Variants in SLIT1 observed in about 807,000 individuals in gnomAD.
The protein encoded by SLIT1 is slit homolog 1 protein.
Under a neutral mutation model 186.1 loss-of-function variants are expected in SLIT1, and 66 were observed. That is an observed-to-expected ratio of 0.35 (90% CI 0.29 to 0.44). SLIT1 has a LOEUF of 0.44. SLIT1 is among the 20% of genes least tolerant of loss of function. The pLI is 1.00. For synonymous variants in SLIT1, 761 were observed against 833.8 expected (o/e 0.91, Z 1.50); for missense variants, 1,638 against 2,037.4 (o/e 0.80, Z 3.77).
At chr10:97,182,367 AT>A (rs1441487609) in intron 1 of SLIT1, among the ~76,000 whole-genome samples, 29 of 152,326 alleles carry the variant, frequency 1.9e-4, no homozygotes, top group African/African-American at 7.0e-4. Flanking sequence ...GTCCATAAAA[AT>A]TTCACAGCCT....
At position 97,020,191 on chromosome 10, in the gene SLIT1, T is replaced by C. The variant is rs796569188; in HGVS notation, c.2746+1059A>G. Among the ~76,000 whole-genome samples, 5 of 152,040 alleles carry C rather than the reference T, an allele frequency of 3.3e-5. 1 individual carries two copies. The highest frequency in any genetic ancestry group is 1.2e-4 in the African/African-American group (5 of 41,468). On this transcript the variant is annotated intron_variant, in intron 26 of 36. Coordinates refer to ENST00000266058, the MANE Select transcript of SLIT1 (RefSeq NM_003061.3). Reference sequence around the variant, plus strand: ...TCTCTCCATGTTGCCCAGGCTGGTCTCGAACTCCTGGGCTCAAGCGACCCT... The same window carrying C: ...TCTCTCCATGTTGCCCAGGCTGGTCCCGAACTCCTGGGCTCAAGCGACCCT...
At chr10:97,029,790 GC>G (rs1034463470) in intron 25 of SLIT1, among the ~76,000 whole-genome samples, 3 of 152,096 alleles carry the variant, frequency 2.0e-5, no homozygotes, top group African/African-American at 7.2e-5. Flanking sequence ...ACTCCCCATG[GC>G]CCCTGCCTCC....
rs1268863455 is a variant in SLIT1 at position 97,002,894 on chromosome 10, C to T, written c.3964G>A (p.Glu1322Lys). ...TGCGTCTTGGTGAAGTCCTGCAGCT[C>T]GTTGTTGATGTACAGGTTTCGGATG... ...GCIRNLYINN[E>K]LQDFTKTQMK... Residue 1322 changes from glutamate to lysine, a missense_variant, in exon 35 of 37, where the codon GAG (glutamate) becomes AAG (lysine). Physicochemically the swap from Glu to Lys is moderately conservative, Grantham distance 56 (BLOSUM62 1). Coordinates refer to ENST00000266058, the MANE Select transcript of SLIT1 (RefSeq NM_003061.3). 14 of 1,614,202 alleles carry T rather than the reference C, an allele frequency of 8.7e-6. No individual in the cohort carries two copies. The highest frequency in any genetic ancestry group is 3.3e-5 in the Admixed American group (2 of 60,022).
intron 4 of SLIT1, among the ~76,000 whole-genome samples, chr10:97,127,976 A>G (rs1849619050): frequency 1.3e-5 from 2 of 152,088 alleles, no homozygotes; most frequent in Non-Finnish European, 2.9e-5. Flanking sequence ...ATTGACAAGC[A>G]GCCACTCAGA....
intron 4 of SLIT1, among the ~76,000 whole-genome samples, chr10:97,093,146 G>C (rs1849250858): frequency 6.6e-6 from 1 of 152,192 alleles, no homozygotes; most frequent in African/African-American, 2.4e-5. Context: ...TGTGAGAAGA[G>C]GGCAGTGCGG....
At chr10:97,125,484 A>G (rs1192215882) in intron 4 of SLIT1, among the ~76,000 whole-genome samples, 1 of 151,216 alleles carries the variant, frequency 6.6e-6, no homozygotes, top group African/African-American at 2.4e-5. Flanking sequence ...CAGTGAGCCA[A>G]GATCACACCA....
chr10:97,106,572 C>T (rs554999931), intron 4 of SLIT1, among the ~76,000 whole-genome samples: 1 of 152,038 alleles, frequency 6.6e-6, no homozygotes, highest in South Asian at 2.1e-4. Flanking sequence ...TTAGTCCCTG[C>T]AATAACCCTG....
In SLIT1 at chr10:97,060,669, C is replaced by G. The variant is rs1227392043; in HGVS notation, c.912G>C (p.Pro304=). Residue 304 remains proline, a synonymous_variant, in exon 9 of 37, where the codon CCG becomes CCC. Coordinates refer to ENST00000266058, the MANE Select transcript of SLIT1 (RefSeq NM_003061.3). ...DCRGKGLTAI[P]ANLPETMTEI... ...CCGTCATGGTCTCGGGCAGGTTGGC[C>G]GGGATGGCAGTGAGGCCTTTTCCAC... is the stretch of plus-strand genomic sequence containing the variant. The G allele has an allele frequency of 6.2e-7, 1 of 1,613,360 alleles. No homozygotes were observed. Among genetic ancestry groups the G allele is most frequent in the Non-Finnish European group, 8.5e-7 (1 of 1,180,034 alleles).
chr10:97,148,289 CTTT>C (rs34334845), intron 4 of SLIT1, among the ~76,000 whole-genome samples: 1 of 144,904 alleles, frequency 6.9e-6, no homozygotes. Context: ...TAGTACTAAG[CTTT>C]TTTTTTTTTT....
At chr10:97,126,802 T>TCAGTCC (rs1849607219) in intron 4 of SLIT1, among the ~76,000 whole-genome samples, 1 of 152,120 alleles carries the variant, frequency 6.6e-6, no homozygotes. Context: ...AGGAAGCCCC[T>TCAGTCC]CAGTCCCATG....
At chr10:97,098,955 C>A (rs898861290) in intron 4 of SLIT1, among the ~76,000 whole-genome samples, 1 of 152,144 alleles carries the variant, frequency 6.6e-6, no homozygotes, top group Non-Finnish European at 1.5e-5. Flanking sequence ...CCTCCTGTCC[C>A]CAGTTTCCTG....
chr10:97,061,435 A>G (rs1848893158), intron 8 of SLIT1, among the ~76,000 whole-genome samples: 1 of 152,226 alleles, frequency 6.6e-6, no homozygotes, highest in South Asian at 2.1e-4. Flanking sequence ...GACATAGAAC[A>G]TTTCCATTAC....
rs1189158347 is a variant in SLIT1, at chr10:97,021,564, TTTTTTTTTC to T, written c.2583-160_2583-152del. 3.4e-6 allele frequency: 2 copies of T among 593,608 alleles called. No homozygotes were observed. Among genetic ancestry groups the T allele is most frequent in the Admixed American group, 7.4e-5 (2 of 27,134 alleles). The allele number at this position is 593,608 out of a possible 1,614,324, so 36.8% of individuals were successfully genotyped here. On this transcript the variant is annotated intron_variant, in intron 25 of 36. Coordinates refer to ENST00000266058, the MANE Select transcript of SLIT1 (RefSeq NM_003061.3). The surrounding 1 kb of genome is among the most constrained non-coding windows in gnomAD (Gnocchi z 4.5). The stretch of plus-strand genomic sequence containing the variant: ...TACTGTATAGTCAGTGCTGCTTTTT[TTTTTTTTTC>T]TTTTTTTGAGATGGAGTGTCGCTCT...
Position 97,047,710 on chromosome 10 carries a change from G to A in SLIT1, c.1614C>T (p.Ile538=). 8 of 1,613,934 alleles carry A rather than the reference G, an allele frequency of 5.0e-6. No individual in the cohort carries two copies. The highest frequency in any genetic ancestry group is 6.8e-6 in the Non-Finnish European group (8 of 1,180,016). Residue 538 remains isoleucine (I), a synonymous_variant, in exon 16 of 37, where the codon ATC becomes ATT. Transcript: ENST00000266058. ...CTCACAGTTCTGCCGTGGACTGGGG[G>A]ATGCGCTCAGGGATCTTGGTGAGCT... ...SLKLTKIPER[I]PQSTAELRLN...
chr10:97,082,451 T>A (rs936093582), intron 4 of SLIT1, among the ~76,000 whole-genome samples: 6 of 152,320 alleles, frequency 3.9e-5, no homozygotes, highest in Middle Eastern at 3.4e-3. Context: ...TTATTTATTT[T>A]TTGAGAGGAG....
intron 23 of SLIT1, among the ~76,000 whole-genome samples, chr10:97,032,736 G>T (rs1848602833): frequency 7.7e-6 from 1 of 129,590 alleles, no homozygotes; most frequent in Non-Finnish European, 1.8e-5. Flanking sequence ...CGTCATGCTG[G>T]AAACAGCCCC....
chr10:97,052,093 T>G (rs1848793049), intron 13 of SLIT1, among the ~76,000 whole-genome samples: 1 of 115,960 alleles, frequency 8.6e-6, no homozygotes, highest in Non-Finnish European at 1.8e-5. Flanking sequence ...TGATTCGGTT[T>G]TTTTTTGTTT....
In SLIT1 at chr10:96,998,688, A is replaced by ACAT. The variant is rs1178479019; in HGVS notation, c.*2421_*2423dup. 1.3e-5 allele frequency: 2 copies of ACAT among 152,300 alleles called. No individual in the cohort carries two copies. Among genetic ancestry groups the ACAT allele is most frequent in the East Asian group, 1.9e-4 (1 of 5,206 alleles). The allele number at this position is 152,300 out of a possible 1,614,324, so 9.4% of individuals were successfully genotyped here. ...GTTGATCCTGGGGCACACAGCTCTC[A>ACAT]CATCATCTCATGGTGGATTCCAATC... On this transcript the variant is annotated 3_prime_UTR_variant, in exon 37 of 37. Transcript: ENST00000266058.
At chr10:97,141,383 C>A (rs1023676452) in intron 4 of SLIT1, among the ~76,000 whole-genome samples, 2 of 152,142 alleles carry the variant, frequency 1.3e-5, no homozygotes, top group Non-Finnish European at 2.9e-5. Context: ...TTCATCGCAC[C>A]AAACAGCCCC....
Sources: allele counts gnomAD v4.1 joint callset (sites outside exome capture counted in the v4.1 genomes callset), GRCh38; gene constraint gnomAD v4.1.1; non-coding constraint Gnocchi (gnomAD v3.1); transcripts MANE v1.5; gene names NCBI Gene and HGNC (gene_info 2026-07-23, HGNC 2026-07-21).